XKR6: variants seen among roughly 807,000 people sequenced by gnomAD.
XKR6 encodes XK-related protein 6.
A neutral mutation model predicts 56.7 loss-of-function variants in XKR6; 22 were observed. That is an observed-to-expected ratio of 0.39 (90% CI 0.28 to 0.55). XKR6 has a LOEUF of 0.55. Among genes scored for constraint, XKR6 ranks in the 20% least tolerant of loss-of-function variants. The pLI is 0.66. For synonymous variants in XKR6, 524 were observed against 387.8 expected (o/e 1.35, Z -4.13); for missense variants, 852 against 889.0 (o/e 0.96, Z 0.53).
intron 1 of XKR6, among the ~76,000 whole-genome samples, chr8:10,963,101 TCTC>T (rs1207294278): frequency 6.6e-6 from 1 of 152,098 alleles, no homozygotes; most frequent in Non-Finnish European, 1.5e-5. Flanking sequence ...ACATCCCGCT[TCTC>T]CTCTCTCGGC....
chr8:11,068,646 G>A (rs930815225), intron 1 of XKR6, among the ~76,000 whole-genome samples: 5 of 152,144 alleles, frequency 3.3e-5, no homozygotes, highest in African/African-American at 7.2e-5. Flanking sequence ...CATGGGCAGC[G>A]TGGGTTTCTC....
At chr8:11,038,195 T>C (rs1799194640) in intron 1 of XKR6, among the ~76,000 whole-genome samples, 1 of 152,206 alleles carries the variant, frequency 6.6e-6, no homozygotes, top group Non-Finnish European at 1.5e-5. Context: ...TGGGAACCTT[T>C]ATATGAAAAA....
At chr8:11,077,142 C>T (rs1205098675) in intron 1 of XKR6, among the ~76,000 whole-genome samples, 1 of 152,088 alleles carries the variant, frequency 6.6e-6, no homozygotes, top group Non-Finnish European at 1.5e-5. Context: ...ACACCACTGC[C>T]CTCCAGCCTG....
chr8:11,132,640 G>T (rs1331268219), intron 1 of XKR6, among the ~76,000 whole-genome samples: 1 of 151,980 alleles, frequency 6.6e-6, no homozygotes, highest in Non-Finnish European at 1.5e-5. Context: ...GGGATGACAC[G>T]TACGAGCCAC....
At chr8:10,982,864 T>C (rs1797765755) in intron 1 of XKR6, among the ~76,000 whole-genome samples, 1 of 152,158 alleles carries the variant, frequency 6.6e-6, no homozygotes, top group African/African-American at 2.4e-5. Context: ...GCTTGGGGTT[T>C]GAGGATAGGC....
At chr8:11,099,785 A>G (rs1798398785) in intron 1 of XKR6, among the ~76,000 whole-genome samples, 1 of 152,206 alleles carries the variant, frequency 6.6e-6, no homozygotes, top group Non-Finnish European at 1.5e-5. Context: ...AGACAAAACT[A>G]TAATGTGAGG....
chr8:11,042,965 G>A (rs1365318358), intron 1 of XKR6, among the ~76,000 whole-genome samples: 1 of 152,050 alleles, frequency 6.6e-6, no homozygotes, highest in Admixed American at 6.6e-5. Flanking sequence ...ACTTGAGATT[G>A]GCCAGCCCCA....
chr8:11,072,742 GC>G (rs369221127), intron 1 of XKR6, among the ~76,000 whole-genome samples: 100 of 152,332 alleles, frequency 6.6e-4, no homozygotes, highest in African/African-American at 2.2e-3. Flanking sequence ...GCCTGAGGCT[GC>G]CTGCCAAAGT....
chr8:10,983,949 C>G (rs1026675583), intron 1 of XKR6, among the ~76,000 whole-genome samples: 1 of 152,122 alleles, frequency 6.6e-6, no homozygotes, highest in African/African-American at 2.4e-5. Context: ...GCCACTGCGC[C>G]CGGCCTTACA....
chr8:10,953,817 G>A (rs1332548025), intron 1 of XKR6, among the ~76,000 whole-genome samples: 1 of 152,164 alleles, frequency 6.6e-6, no homozygotes. Flanking sequence ...GCTGCTACCT[G>A]TTCTTCCATT....
chr8:11,002,522 T>C (rs751567388), intron 1 of XKR6: 14 of 323,236 alleles, frequency 4.3e-5, no homozygotes, highest in Non-Finnish European at 9.3e-5. Flanking sequence ...CAAGCAGGAA[T>C]GGGGAAGGTG....
chr8:10,952,991 A>T (rs1420789833), intron 1 of XKR6, among the ~76,000 whole-genome samples: 1 of 152,060 alleles, frequency 6.6e-6, no homozygotes, highest in Non-Finnish European at 1.5e-5. Flanking sequence ...CGCGCTCCTT[A>T]TGAGAATCTA....
chr8:10,904,915 G>A (rs1403385550), intron 2 of XKR6, among the ~76,000 whole-genome samples: 1 of 152,178 alleles, frequency 6.6e-6, no homozygotes, highest in Non-Finnish European at 1.5e-5. Flanking sequence ...CTGACCGAGA[G>A]CGTCAGCTCA....
At chr8:11,009,379 T>C (rs1220069746) in intron 1 of XKR6, among the ~76,000 whole-genome samples, 2 of 152,040 alleles carry the variant, frequency 1.3e-5, no homozygotes. Flanking sequence ...GACATGGTGG[T>C]GTGTGCCTGT....
chr8:10,932,471 T>A (rs1011636756), intron 1 of XKR6, among the ~76,000 whole-genome samples: 13 of 149,502 alleles, frequency 8.7e-5, no homozygotes, highest in Admixed American at 2.7e-4. Context: ...CATGTGCACA[T>A]CGTGCAGGTT....
At chr8:11,127,172 G>A (rs1270610407) in intron 1 of XKR6, among the ~76,000 whole-genome samples, 1 of 152,158 alleles carries the variant, frequency 6.6e-6, no homozygotes, top group Non-Finnish European at 1.5e-5. Context: ...TTAACGAGAT[G>A]TACTAGAATT....
chr8:11,125,441 G>A (rs900686466), intron 1 of XKR6, among the ~76,000 whole-genome samples: 3 of 152,118 alleles, frequency 2.0e-5, no homozygotes, highest in Non-Finnish European at 2.9e-5. Context: ...CAACTCCATG[G>A]TTGAGTATGA....
At chr8:11,100,909 G>C (rs537006709) in intron 1 of XKR6, among the ~76,000 whole-genome samples, 1 of 152,292 alleles carries the variant, frequency 6.6e-6, no homozygotes, top group East Asian at 1.9e-4. Flanking sequence ...GGTGCTGCCG[G>C]GGGCATGCAC....
At chr8:10,914,336 T>C (rs1473449874) in intron 2 of XKR6, among the ~76,000 whole-genome samples, 1 of 152,074 alleles carries the variant, frequency 6.6e-6, no homozygotes, top group Non-Finnish European at 1.5e-5. Context: ...GCATCCCCAG[T>C]AGTGAGAGGG....
Sources: gnomAD v4.1 joint callset for allele counts (sites outside exome capture counted in the v4.1 genomes callset) on GRCh38, gnomAD v4.1.1 for gene constraint, MANE v1.5 for transcripts, NCBI Gene and HGNC (gene_info 2026-07-23, HGNC 2026-07-21) for gene names.